Variants in BTBD8 observed in about 807,000 individuals in gnomAD.
The protein encoded by BTBD8 is BTB domain containing 8, also known as BTB/POZ domain-containing protein 8.
Under a neutral mutation model 162.9 loss-of-function variants are expected in BTBD8, and 110 were observed. The ratio of observed to expected loss-of-function variants is 0.68; its 90% CI spans 0.58 to 0.79. The LOEUF is 0.79. Among genes scored for constraint, BTBD8 ranks in the 30% least tolerant of loss-of-function variants. BTBD8 has a pLI of 0.00. For missense variants in BTBD8, 1,905 were observed against 2,085.4 expected (o/e 0.91, Z 1.68); for synonymous variants, 667 against 716.1 (o/e 0.93, Z 1.10).
At chr1:92,123,923 C>G (rs1649282267) in intron 4 of BTBD8, among the ~76,000 whole-genome samples, 1 of 151,652 alleles carries the variant, frequency 6.6e-6, no homozygotes. Flanking sequence ...CGAGATAATT[C>G]AAAACTGGCT....
At chr1:92,137,776 A>T (rs962952909) in intron 5 of BTBD8, among the ~76,000 whole-genome samples, 1 of 152,094 alleles carries the variant, frequency 6.6e-6, no homozygotes, top group South Asian at 2.1e-4. Flanking sequence ...GGACTTGGGG[A>T]TGGGGATGAT....
chr1:92,171,284 ATTAAG>A (rs1006544351), intron 12 of BTBD8, 110 bp from the exon 13 acceptor site: 27 of 739,260 alleles, frequency 3.7e-5, no homozygotes, highest in Non-Finnish European at 4.5e-5. Flanking sequence ...TTTCAGGTTT[ATTAAG>A]TTATTTCCAT....
intron 13 of BTBD8, among the ~76,000 whole-genome samples, chr1:92,173,216 C>T (rs902678002): frequency 7.9e-5 from 12 of 152,134 alleles, no homozygotes; most frequent in Admixed American, 6.6e-4. Flanking sequence ...TGAGCCACCA[C>T]GCCCAACCCC....
chr1:92,086,553 C>T (rs989016539), intron 1 of BTBD8, among the ~76,000 whole-genome samples: 4 of 151,708 alleles, frequency 2.6e-5, no homozygotes, highest in African/African-American at 9.7e-5. Flanking sequence ...ATCCCTTGAG[C>T]TTGGGAGGTG....
chr1:92,080,854 G>C, intron 1 of BTBD8, 134 bp downstream of exon 1: 3 of 1,385,606 alleles, frequency 2.2e-6, no homozygotes, highest in Non-Finnish European at 2.9e-6. Context: ...ACTGCGGGTC[G>C]TTAGCCAGTC....
At chr1:92,124,758 A>C (rs984116913) in intron 4 of BTBD8, among the ~76,000 whole-genome samples, 7 of 152,206 alleles carry the variant, frequency 4.6e-5, no homozygotes, top group African/African-American at 1.7e-4. Flanking sequence ...TTAAAGAATG[A>C]ATTAATTAGC....
At chr1:92,097,630 A>T (rs1381009320) in intron 2 of BTBD8, among the ~76,000 whole-genome samples, 2 of 152,288 alleles carry the variant, frequency 1.3e-5, no homozygotes, top group East Asian at 3.9e-4. Context: ...AAATGGAATC[A>T]TTCAATATAT....
At chr1:92,183,803 C>A in intron 17 of BTBD8, 61 bp from the exon 18 acceptor site, 40 of 933,486 alleles carry the variant, frequency 4.3e-5, no homozygotes, top group Non-Finnish European at 5.0e-5. Flanking sequence ...TAATATTCTA[C>A]AAAACTCTGA....
chr1:92,098,029 G>GT (rs1024062268), intron 2 of BTBD8, among the ~76,000 whole-genome samples: 4 of 152,112 alleles, frequency 2.6e-5, no homozygotes, highest in Admixed American at 2.6e-4. Context: ...CAATGCCCAG[G>GT]TTTTTTTAAT....
rs1650916949 is a variant in BTBD8 at position 92,181,798 on chromosome 1, C to T, written c.4115C>T (p.Ala1372Val). Residue 1372 changes from alanine (A) to valine (V), a missense_variant, in exon 17 of 18, where the codon GCT becomes GTT. This residue lies in a region of BTBD8 where 517 missense variants were observed against 606.6 expected (regional missense o/e 0.85). Coordinates refer to ENST00000636805, the MANE Select transcript of BTBD8 (RefSeq NM_001376131.1). ...ENIPRGSVQF[A>V]QEIDQVSSSA... ...ATTCCACGAGGCAGTGTCCAGTTTG[C>T]TCAGGAAATAGATCAGGTATCTTCT... 4 of 1,551,100 alleles carry T rather than the reference C, an allele frequency of 2.6e-6. No individual in the cohort carries two copies. The highest frequency in any genetic ancestry group is 1.7e-4 in the Middle Eastern group (1 of 6,018).
chr1:92,080,588 A>G lies in BTBD8; in HGVS notation c.17A>G (p.Glu6Gly), dbSNP rs776230080. The G allele has an allele frequency of 3.0e-4, 491 of 1,613,724 alleles. No individual in the cohort carries two copies. The highest frequency in any genetic ancestry group is 3.8e-4 in the Non-Finnish European group (452 of 1,179,904). MARCG[E>G]GSAAPMVLLG... ...CTGTGAGACATGGCTCGCTGTGGGG[A>G]AGGCAGTGCGGCCCCCATGGTACTT... Residue 6 changes from glutamate to glycine, a missense_variant, in exon 1 of 18, where the codon GAA becomes GGA. Glu to Gly is a moderately conservative substitution (Grantham distance 98, BLOSUM62 -2). Around this residue, in one of 3 missense-constraint regions of BTBD8, gnomAD observed 1,374 missense variants for 1,442.7 expected, o/e 0.95. Coordinates refer to ENST00000636805, the MANE Select transcript of BTBD8 (RefSeq NM_001376131.1).
At chr1:92,138,199 G>GC (rs1649677711) in intron 5 of BTBD8, among the ~76,000 whole-genome samples, 1 of 152,088 alleles carries the variant, frequency 6.6e-6, no homozygotes, top group African/African-American at 2.4e-5. Context: ...AAGTGCTTTT[G>GC]CCCCCCACAA....
At chr1:92,085,837 C>T (rs983955815) in intron 1 of BTBD8, among the ~76,000 whole-genome samples, 1 of 152,056 alleles carries the variant, frequency 6.6e-6, no homozygotes, top group Non-Finnish European at 1.5e-5. Flanking sequence ...GTGATCAGAC[C>T]CAACACCAGG....
chr1:92,100,044 T>G (rs1449247912), intron 2 of BTBD8, among the ~76,000 whole-genome samples: 2 of 152,206 alleles, frequency 1.3e-5, no homozygotes, highest in African/African-American at 2.4e-5. Flanking sequence ...ATTCCTAGTT[T>G]GTTGAATGTT....
At chr1:92,133,296 G>A (rs1649555988) in intron 5 of BTBD8, among the ~76,000 whole-genome samples, 1 of 152,152 alleles carries the variant, frequency 6.6e-6, no homozygotes, top group African/African-American at 2.4e-5. Flanking sequence ...TTCCTGAGGT[G>A]GTTGAAAGTA....
chr1:92,108,457 A>C (rs1217913976), intron 4 of BTBD8, among the ~76,000 whole-genome samples: 1 of 152,246 alleles, frequency 6.6e-6, no homozygotes, highest in Non-Finnish European at 1.5e-5. Context: ...CTCTGAATGC[A>C]TTTTGGCTCA....
chr1:92,106,660 C>CAAAAAAAAA lies in BTBD8; in HGVS notation c.545-1203_545-1195dup, dbSNP rs60676530. 6.3e-3 allele frequency among the ~76,000 whole-genome samples: 63 copies of CAAAAAAAAA among 9,950 alleles called. 21 individuals are homozygous for CAAAAAAAAA. Among genetic ancestry groups the CAAAAAAAAA allele is most frequent in the African/African-American group, 0.024 (61 of 2,522 alleles). The allele number at this position is 9,950 out of a possible 152,430, so 6.5% of individuals were successfully genotyped here. A position where few individuals can be genotyped will look rare whatever the true frequency, so the allele number is the denominator to read the frequency against. ...TGGGCGACAGAGTAAGACTCTGTCT[C>CAAAAAAAAA]AAAAAAAAAAAAAAAAAAAAAAAAA... On this transcript the variant is annotated intron_variant, in intron 3 of 17. Coordinates refer to ENST00000636805, the MANE Select transcript of BTBD8 (RefSeq NM_001376131.1).
chr1:92,163,559 G>A (rs1268189644), intron 9 of BTBD8, among the ~76,000 whole-genome samples: 2 of 151,580 alleles, frequency 1.3e-5, no homozygotes, highest in Non-Finnish European at 2.9e-5. Context: ...TTCCTAGAAT[G>A]TCCTTTATAC....
intron 16 of BTBD8, 57 bp from the exon 17 acceptor site, chr1:92,180,208 T>A: frequency 8.1e-7 from 1 of 1,239,864 alleles, no homozygotes; most frequent in Non-Finnish European, 1.1e-6. Context: ...TACTAAATTT[T>A]ACTCACAAAT....
Sources: gnomAD v4.1 joint callset for allele counts (sites outside exome capture counted in the v4.1 genomes callset) on GRCh38, gnomAD v4.1.1 for gene constraint, gnomAD v4.1.1 regional missense constraint, MANE v1.5 for transcripts, NCBI Gene and HGNC (gene_info 2026-07-23, HGNC 2026-07-21) for gene names.